Variants in CTNNA2 observed in about 807,000 individuals in gnomAD.
CTNNA2 encodes catenin alpha 2, also known as catenin alpha-2.
A neutral mutation model predicts 101.0 loss-of-function variants in CTNNA2; 42 were observed. The ratio of observed to expected loss-of-function variants is 0.42; its 90% confidence interval spans 0.32 to 0.54. CTNNA2 has a LOEUF of 0.54. CTNNA2 is among the 20% of genes least tolerant of loss of function. The pLI is 0.14. For synonymous variants in CTNNA2, 450 were observed against 456.4 expected, an observed-to-expected ratio of 0.99 and a Z score of 0.18; for missense variants, 871 against 1,223.1, an observed-to-expected ratio of 0.71 and a Z score of 4.29.
At chr2:80,291,040 C>T (rs1360127702) in intron 7 of CTNNA2, among the ~76,000 whole-genome samples, 1 of 152,168 alleles carries the variant, frequency 6.6e-6, no homozygotes, top group Non-Finnish European at 1.5e-5. Context: ...ATGCTTTAAT[C>T]ATTCTGTGAG....
At chr2:79,576,297 A>G (rs925317422) in intron 1 of CTNNA2, among the ~76,000 whole-genome samples, 1 of 152,216 alleles carries the variant, frequency 6.6e-6, no homozygotes, top group Admixed American at 6.5e-5. Flanking sequence ...TTTTACAAAA[A>G]GAGTTAAAGG....
intron 2 of CTNNA2, among the ~76,000 whole-genome samples, chr2:79,722,787 G>A (rs1039329571): frequency 2.6e-5 from 4 of 152,172 alleles, no homozygotes; most frequent in Non-Finnish European, 5.9e-5. Flanking sequence ...CACAGGCAAA[G>A]TAGGTGATCA....
At chr2:80,113,118 T>A (rs989196310) in intron 7 of CTNNA2, among the ~76,000 whole-genome samples, 4 of 152,110 alleles carry the variant, frequency 2.6e-5, no homozygotes, top group Non-Finnish European at 4.4e-5. Flanking sequence ...GTGTACCACA[T>A]TTTACCCAAG....
intron 3 of CTNNA2, among the ~76,000 whole-genome samples, chr2:79,366,651 A>T (rs2104451467): frequency 6.6e-6 from 1 of 152,334 alleles, no homozygotes; most frequent in Non-Finnish European, 1.5e-5. Context: ...AAATTCTAAT[A>T]TCATAAGAGA....
intron 1 of CTNNA2, among the ~76,000 whole-genome samples, chr2:79,627,690 T>A (rs999152113): frequency 2.6e-5 from 4 of 152,260 alleles, no homozygotes; most frequent in Non-Finnish European, 5.9e-5. Context: ...ACAGTTGATC[T>A]TTTGTGCTTC....
intron 9 of CTNNA2, among the ~76,000 whole-genome samples, chr2:80,513,658 A>G (rs1047435731): frequency 5.9e-5 from 9 of 152,230 alleles, no homozygotes; most frequent in African/African-American, 2.2e-4. Context: ...GATGGAACGC[A>G]TAGTCTGGAG....
chr2:80,512,149 CAAAAAAAAAAAAA>C (rs59359924), intron 9 of CTNNA2, among the ~76,000 whole-genome samples: 1 of 73,472 alleles, frequency 1.4e-5, no homozygotes, highest in Non-Finnish European at 2.3e-5. Flanking sequence ...CACTCTGTCT[CAAAAAAAAAAAAA>C]AAAAAAAAAA....
rs577759140 is a variant in CTNNA2, at chr2:79,409,866, C to A, written c.-135+35853C>A. Among the ~76,000 whole-genome samples the A allele has an allele frequency of 3.0e-4, 45 of 151,730 alleles. 1 individual carries two copies. In the South Asian group the frequency reaches 7.3e-3, roughly 25 times the overall value. On this transcript the variant is annotated intron_variant, in intron 4 of 21. Transcript: ENST00000466387. ...GTCATTGGTAGCTTGATGGGGATGG[C>A]ATTGAATCTATATATTACCTTGGGC...
chr2:79,290,365 G>C (rs1205863153), intron 2 of CTNNA2, among the ~76,000 whole-genome samples: 1 of 152,130 alleles, frequency 6.6e-6, no homozygotes, highest in South Asian at 2.1e-4. Context: ...GAGCGGGGCA[G>C]GGAAGTGCTG....
chr2:80,303,746 A>G lies in CTNNA2; in HGVS notation c.1057-89465A>G, dbSNP rs1676615518. The G allele has an allele frequency of 2.5e-6, 4 of 1,594,354 alleles. No homozygotes were observed. The highest frequency in any genetic ancestry group is 1.1e-5 in the South Asian group (1 of 87,106). ...GGGCAGCATCTGAAAGCAGGCCCCCAGCAGACACAAGACCACCCCCGAGGG... is the reference window on the plus strand; with the variant it reads ...GGGCAGCATCTGAAAGCAGGCCCCCGGCAGACACAAGACCACCCCCGAGGG... On this transcript the variant is annotated intron_variant, in intron 7 of 18. Coordinates refer to ENST00000402739, the MANE Select transcript of CTNNA2 (RefSeq NM_001282597.3). The surrounding 1 kb of genome is among the most constrained non-coding windows in gnomAD (Gnocchi z 7.7).
chr2:80,038,149 G>A (rs1349313305), intron 7 of CTNNA2, among the ~76,000 whole-genome samples: 3 of 152,168 alleles, frequency 2.0e-5, no homozygotes, highest in Non-Finnish European at 4.4e-5. Context: ...TGGAGGAGAT[G>A]GACTCTGCCT....
At chr2:80,415,070 G>A (rs1679921858) in intron 8 of CTNNA2, among the ~76,000 whole-genome samples, 1 of 152,134 alleles carries the variant, frequency 6.6e-6, no homozygotes, top group South Asian at 2.1e-4. Flanking sequence ...AATTAGGGCA[G>A]GCCAACTACG....
Position 80,274,719 on chromosome 2 carries a change from T to A in CTNNA2, c.1057-118492T>A, listed in dbSNP as rs183287643. ...GCTAGCTACACTGAGCTTCTGCACA[T>A]TTTCATATTGTTCTTGTTTTTTCCC... On this transcript the variant is annotated intron_variant, in intron 7 of 18. Transcript: ENST00000402739. Among the ~76,000 whole-genome samples the A allele has an allele frequency of 1.1e-4, 16 of 152,304 alleles. 1 individual carries two copies. Among genetic ancestry groups the A allele is most frequent in the Admixed American group, 9.8e-4 (15 of 15,294 alleles).
rs543492039 is a variant in CTNNA2 at position 80,447,909 on chromosome 2, A to G, written c.1290+28308A>G. On this transcript the variant is annotated intron_variant, in intron 9 of 18. Transcript: ENST00000402739. ...TGCTCATTCTTCCAAGGAGAGGGCC[A>G]GGGTGAAACTAATCTTTTCATCCTT... Among the ~76,000 whole-genome samples the G allele has an allele frequency of 2.2e-4, 34 of 152,350 alleles. No homozygotes were observed. In the South Asian group the frequency reaches 7.0e-3, roughly 32 times the overall value.
rs999587149 is a variant in CTNNA2 at position 80,143,752 on chromosome 2, G to T, written c.1056+233955G>T. ...TGTAACTTGAAACTGCCTGAAGGAG[G>T]GCAGGGGAGGGATCACATAATTGCA... On this transcript the variant is annotated intron_variant, in intron 7 of 18. Coordinates refer to ENST00000402739, the MANE Select transcript of CTNNA2 (RefSeq NM_001282597.3). Among the ~76,000 whole-genome samples the T allele has an allele frequency of 1.3e-5, 2 of 152,240 alleles. 1 individual carries two copies. The highest frequency in any genetic ancestry group is 3.9e-4 in the East Asian group (2 of 5,180).
intron 4 of CTNNA2, among the ~76,000 whole-genome samples, chr2:79,468,580 T>G: frequency 6.6e-6 from 1 of 152,300 alleles, no homozygotes; most frequent in East Asian, 1.9e-4. Flanking sequence ...ATATATATTC[T>G]TCTCAGCACC....
intron 4 of CTNNA2, among the ~76,000 whole-genome samples, chr2:79,446,737 G>GTCAC (rs1678837399): frequency 6.6e-6 from 1 of 152,158 alleles, no homozygotes; most frequent in East Asian, 1.9e-4. Flanking sequence ...AGTGTCACCT[G>GTCAC]GATAGCAATC....
At chr2:79,998,941 A>T (rs1692740557) in intron 7 of CTNNA2, among the ~76,000 whole-genome samples, 2 of 152,108 alleles carry the variant, frequency 1.3e-5, no homozygotes, top group Non-Finnish European at 2.9e-5. Flanking sequence ...GGTCCACGTC[A>T]TTTCTGCCTT....
chr2:79,237,461 T>C (rs920296225), intron 2 of CTNNA2, among the ~76,000 whole-genome samples: 2 of 152,178 alleles, frequency 1.3e-5, no homozygotes, highest in African/African-American at 4.8e-5. Context: ...AGCATTGCCT[T>C]CAACTCAAAT....
Sources: allele counts gnomAD v4.1 joint callset (sites outside exome capture counted in the v4.1 genomes callset), GRCh38; gene constraint gnomAD v4.1.1; non-coding constraint Gnocchi (gnomAD v3.1); transcripts MANE v1.5; gene names NCBI Gene and HGNC (gene_info 2026-07-23, HGNC 2026-07-21).